Variants in HEATR4 observed in about 807,000 individuals in gnomAD.
The protein encoded by HEATR4 is HEAT repeat-containing protein 4.
A neutral mutation model predicts 108.8 loss-of-function variants in HEATR4; 95 were observed. The ratio of observed to expected loss-of-function variants is 0.87; its 90% CI spans 0.74 to 1.04. The LOEUF (loss-of-function observed/expected upper bound fraction) is 1.04, where lower values mean the gene tolerates loss of function less well. Ranked by LOEUF, HEATR4 falls within the 50% of genes least tolerant of loss-of-function variation. The probability of loss-of-function intolerance (pLI) is 0.00; values close to 1 mark genes in which losing one functional copy is unlikely to be tolerated. For synonymous variants in HEATR4, 443 were observed against 459.4 expected (o/e 0.96, Z 0.46); for missense variants, 1,152 against 1,253.8 (o/e 0.92, Z 1.23).
At chr14:73,588,109 C>G in the HEATR4 span, among the ~76,000 whole-genome samples, 1 of 151,866 alleles carries the variant, frequency 6.6e-6, no homozygotes, top group Non-Finnish European at 1.5e-5. Flanking sequence ...TCAAGCGATT[C>G]TCCTGCCTCA....
chr14:73,576,336 C>T, the HEATR4 span, among the ~76,000 whole-genome samples: 2 of 151,856 alleles, frequency 1.3e-5, no homozygotes, highest in Admixed American at 6.6e-5. Context: ...AAAACCAATA[C>T]ATATTTAGTT....
At chr14:73,596,988 C>A in the HEATR4 span, among the ~76,000 whole-genome samples, 1 of 152,126 alleles carries the variant, frequency 6.6e-6, no homozygotes, top group Non-Finnish European at 1.5e-5. Context: ...GCCACATATT[C>A]AAGAAGAATT....
intron 17 of HEATR4, chr14:73,491,355 G>A: frequency 7.0e-7 from 1 of 1,428,404 alleles, no homozygotes; most frequent in Non-Finnish European, 9.1e-7. Flanking sequence ...CCCGCCGCGC[G>A]CTCCCTGCAG....
the HEATR4 span, among the ~76,000 whole-genome samples, chr14:73,576,614 G>A: frequency 6.6e-6 from 1 of 151,266 alleles, no homozygotes; most frequent in Non-Finnish European, 1.5e-5. Flanking sequence ...ACAAGCCTGG[G>A]CAACATGGGA....
At chr14:73,523,370 A>C in intron 2 of HEATR4, 146 bp from the exon 3 acceptor site, 1 of 540,290 alleles carries the variant, frequency 1.9e-6, no homozygotes, top group Non-Finnish European at 3.3e-6. Flanking sequence ...AAAGAAGAAA[A>C]TGGTGCAACA....
At chr14:73,578,950 T>C in the HEATR4 span, among the ~76,000 whole-genome samples, 1 of 151,644 alleles carries the variant, frequency 6.6e-6, no homozygotes, top group African/African-American at 2.4e-5. Context: ...CAGGGCGTGA[T>C]GGCGGGTGCC....
the HEATR4 span, chr14:73,569,121 G>A: frequency 4.6e-5 from 56 of 1,207,766 alleles, no homozygotes; most frequent in Non-Finnish European, 6.2e-5. Context: ...GAGACTTTAA[G>A]CAAGTTCCAG....
intron 5 of HEATR4, among the ~76,000 whole-genome samples, chr14:73,515,612 G>A (rs1392252003): frequency 6.7e-6 from 1 of 148,954 alleles, no homozygotes; most frequent in African/African-American, 2.5e-5. Flanking sequence ...CTGGGGAGGC[G>A]GAGGTTGTAG....
the HEATR4 span, chr14:73,613,001 G>A: frequency 1.0e-6 from 1 of 994,400 alleles, no homozygotes; most frequent in Non-Finnish European, 1.4e-6. Flanking sequence ...CGCGGGCCCG[G>A]TGCGCGCCGC....
At chr14:73,624,556 CA>C in the HEATR4 span, among the ~76,000 whole-genome samples, 1 of 152,136 alleles carries the variant, frequency 6.6e-6, no homozygotes, top group Admixed American at 6.6e-5. Flanking sequence ...GAACCATGAT[CA>C]CACCACTGCA....
At chr14:73,615,412 AAAC>A in the HEATR4 span, among the ~76,000 whole-genome samples, 1,675 of 80,906 alleles carry the variant, frequency 0.021, 242 homozygotes, top group African/African-American at 0.041. Context: ...AAAAAACAAA[AAAC>A]AAAAAAAACC....
intron 4 of HEATR4, 55 bp from the exon 5 acceptor site, chr14:73,519,218 C>A (rs1236760857): frequency 1.3e-6 from 2 of 1,543,318 alleles, no homozygotes; most frequent in African/African-American, 2.7e-5. Context: ...TTTCCTTTCT[C>A]CCTGGGTTCC....
the HEATR4 span, among the ~76,000 whole-genome samples, chr14:73,628,249 G>A: frequency 1.3e-5 from 2 of 152,174 alleles, no homozygotes; most frequent in Non-Finnish European, 2.9e-5. Flanking sequence ...GGAGTTGTAT[G>A]TCACAAAACA....
At chr14:73,512,937 C>T (rs1887354117) in intron 6 of HEATR4, among the ~76,000 whole-genome samples, 1 of 152,152 alleles carries the variant, frequency 6.6e-6, no homozygotes, top group Non-Finnish European at 1.5e-5. Context: ...TCTCAAATAC[C>T]ATAGCTTTCA....
chr14:73,546,261 G>A (rs1304969300), intron 1 of HEATR4, among the ~76,000 whole-genome samples: 5 of 114,652 alleles, frequency 4.4e-5, no homozygotes, highest in African/African-American at 1.1e-4. Flanking sequence ...GATTATAGGC[G>A]TGAGCCACCG....
At chr14:73,566,619 C>T in the HEATR4 span, among the ~76,000 whole-genome samples, 3,166 of 151,856 alleles carry the variant, frequency 0.021, 96 homozygotes, top group South Asian at 0.094. Flanking sequence ...GGCCAGCTGG[C>T]GGCTCCGAGT....
chr14:73,619,683 T>C, the HEATR4 span: 1 of 1,614,202 alleles, frequency 6.2e-7, no homozygotes, highest in Non-Finnish European at 8.5e-7. Context: ...TTCCTCCTTC[T>C]AGAGCTTCTG....
chr14:73,491,866 C>G, intron 17 of HEATR4: 1 of 1,610,690 alleles, frequency 6.2e-7, no homozygotes, highest in Non-Finnish European at 8.5e-7. Context: ...GCGCGCTGCC[C>G]GCCGCCGCGT....
intron 1 of HEATR4, among the ~76,000 whole-genome samples, chr14:73,540,706 A>C (rs1889047926): frequency 8.4e-6 from 1 of 119,464 alleles, no homozygotes; most frequent in Non-Finnish European, 1.8e-5. Flanking sequence ...GCACTGAACT[A>C]TGTCTTAAAA....
Sources: gnomAD v4.1 joint callset for allele counts (sites outside exome capture counted in the v4.1 genomes callset) on GRCh38, gnomAD v4.1.1 for gene constraint, MANE v1.5 for transcripts, NCBI Gene and HGNC (gene_info 2026-07-23, HGNC 2026-07-21) for gene names.